Variants in CR1 observed in about 807,000 individuals in gnomAD.
CR1 encodes the protein complement C3b/C4b receptor 1 (Knops blood group).
Under a neutral mutation model 187.3 loss-of-function variants are expected in CR1, and 116 were observed. That is an observed-to-expected ratio of 0.62 (90% CI 0.53 to 0.72). The LOEUF (loss-of-function observed/expected upper bound fraction) is 0.72. CR1 is among the 30% of genes least tolerant of loss of function. CR1 has a pLI of 0.00. For missense variants in CR1, 1,731 were observed against 2,110.7 expected (o/e 0.82, Z 3.52); for synonymous variants, 576 against 747.1 (o/e 0.77, Z 3.73).
rs200258218 is a variant in CR1, at chr1:207,612,019, G to A, written c.6553G>A (p.Val2185Met). The change falls in exon 39 of 47, where the codon GTG (valine) becomes ATG (methionine). Residue 2185 changes from valine to methionine, a missense_variant. Coordinates refer to ENST00000367049, the MANE Select transcript of CR1 (RefSeq NM_000651.6). ...LPLNLQLGAK[V>M]SFVCDEGFRL... ...ACTTAATCTCCAGCTTGGGGCAAAGGTGTCCTTTGTTTGCGATGAAGGGTG... is the reference window on the plus strand; with the variant it reads ...ACTTAATCTCCAGCTTGGGGCAAAGATGTCCTTTGTTTGCGATGAAGGGTG... The A allele has an allele frequency of 6.8e-6, 11 of 1,613,932 alleles. No homozygotes were observed. Among genetic ancestry groups the A allele is most frequent in the Non-Finnish European group, 9.3e-6 (11 of 1,179,906 alleles).
intron 4 of CR1, among the ~76,000 whole-genome samples, chr1:207,521,950 T>TGAGCCACCA (rs1407369907): frequency 6.6e-6 from 1 of 151,832 alleles, no homozygotes; most frequent in Non-Finnish European, 1.5e-5. Flanking sequence ...ATTACAGGCG[T>TGAGCCACCA]GAGCCACCAC....
chr1:207,510,496 C>G (rs1476361070), intron 3 of CR1, among the ~76,000 whole-genome samples: 1 of 152,162 alleles, frequency 6.6e-6, no homozygotes, highest in African/African-American at 2.4e-5. Context: ...ATAGTACTAT[C>G]AAGTTTGACC....
At chr1:207,594,017 C>T (rs537675310) in intron 35 of CR1, among the ~76,000 whole-genome samples, 4 of 152,100 alleles carry the variant, frequency 2.6e-5, no homozygotes, top group African/African-American at 4.8e-5. Context: ...AGTGTAAATT[C>T]GTTCAACCAT....
At chr1:207,615,934 A>G (rs1662077886) in intron 40 of CR1, among the ~76,000 whole-genome samples, 1 of 152,196 alleles carries the variant, frequency 6.6e-6, no homozygotes, top group Non-Finnish European at 1.5e-5. Flanking sequence ...ATCAAACTAG[A>G]AGCATCAATT....
intron 3 of CR1, chr1:207,507,222 C>A: frequency 6.4e-6 from 1 of 157,280 alleles, no homozygotes; most frequent in Non-Finnish European, 1.4e-5. Flanking sequence ...CAGAGTACTC[C>A]AAAACGGGTG....
chr1:207,566,161 T>G (rs1201640769), intron 24 of CR1, among the ~76,000 whole-genome samples: 2 of 150,404 alleles, frequency 1.3e-5, no homozygotes, highest in Admixed American at 1.3e-4. Flanking sequence ...CCTTTGGTCT[T>G]GTGCTCCTAG....
intron 46 of CR1, among the ~76,000 whole-genome samples, chr1:207,635,713 C>A (rs147683764): frequency 0.02 from 3,083 of 152,322 alleles, 52 homozygotes; most frequent in Non-Finnish European, 0.031. Flanking sequence ...GAGGCCATAT[C>A]TCAGGCTATC....
Position 207,618,251 on chromosome 1 carries a change from A to T in CR1, c.7066+4A>T. The T allele has an allele frequency of 6.2e-7, 1 of 1,612,448 alleles. No homozygotes were observed. The highest frequency in any genetic ancestry group is 1.1e-5 in the South Asian group (1 of 90,868). On this transcript the variant is annotated splice_donor_region_variant and intron_variant, in intron 42 of 46. Coordinates refer to ENST00000367049, the MANE Select transcript of CR1 (RefSeq NM_000651.6). The stretch of plus-strand genomic sequence containing the variant: ...CAATTGGATCATTATTGCAAAGGTG[A>T]CTTATTTCTTGGTATTCCTTATTCT...
chr1:207,596,039 CTATATATCTATATCTA>C (rs1228943873), intron 35 of CR1, among the ~76,000 whole-genome samples: 2 of 141,826 alleles, frequency 1.4e-5, no homozygotes, highest in Non-Finnish European at 3.0e-5. Flanking sequence ...AGTATAAAAT[CTATATATCTATATCTA>C]TATATATCTA....
chr1:207,574,710 T>C (rs904469626), intron 27 of CR1, among the ~76,000 whole-genome samples: 3 of 152,102 alleles, frequency 2.0e-5, no homozygotes, highest in African/African-American at 4.8e-5. Flanking sequence ...AAAAGATGAG[T>C]AGACTGACTA....
intron 1 of CR1, among the ~76,000 whole-genome samples, chr1:207,503,217 G>A (rs1659326361): frequency 6.6e-6 from 1 of 152,054 alleles, no homozygotes; most frequent in Admixed American, 6.5e-5. Context: ...ATGAAACTGA[G>A]GCTCAGCAAG....
In CR1 at chr1:207,580,418, T is replaced by A. The variant is rs1660897755; in HGVS notation, c.5113+2T>A. 3 of 1,613,268 alleles carry A rather than the reference T, an allele frequency of 1.9e-6. No individual in the cohort carries two copies. The highest frequency in any genetic ancestry group is 1.1e-5 in the South Asian group (1 of 90,962). The stretch of plus-strand genomic sequence containing the variant: ...GCCCTGAAGCCCCGAGATGTGCAGG[T>A]GCCTCAACTCTCTGGCTTCCAGATT... On this transcript the variant is annotated splice_donor_variant, in intron 30 of 46. Coordinates refer to ENST00000367049, the MANE Select transcript of CR1 (RefSeq NM_000651.6). LOFTEE classifies it high-confidence loss of function.
intron 32 of CR1, 47 bp from the exon 33 acceptor site, chr1:207,584,602 T>C (rs748471290): frequency 3.8e-6 from 6 of 1,590,212 alleles, no homozygotes; most frequent in East Asian, 2.2e-5. Context: ...CCTTGGATTA[T>C]ACTTTAAAAT....
At chr1:207,587,242 A>G (rs954998979) in intron 33 of CR1, 144 bp from the exon 34 acceptor site, 1 of 666,960 alleles carries the variant, frequency 1.5e-6, no homozygotes, top group South Asian at 2.6e-5. Context: ...ATCCCAAGGT[A>G]ACATCAAGGA....
chr1:207,506,497 A>G (rs1659437483), intron 2 of CR1, among the ~76,000 whole-genome samples: 1 of 152,240 alleles, frequency 6.6e-6, no homozygotes, highest in South Asian at 2.1e-4. Flanking sequence ...TCTGGGAGGC[A>G]TAATATGGGG....
At chr1:207,564,851 G>C (rs2102323192) in intron 23 of CR1, among the ~76,000 whole-genome samples, 1 of 150,218 alleles carries the variant, frequency 6.7e-6, no homozygotes, top group South Asian at 2.1e-4. Context: ...AATTTAGAGA[G>C]TCCCAGGAAA....
chr1:207,502,068 A>G (rs1659288532), intron 1 of CR1, among the ~76,000 whole-genome samples: 1 of 152,158 alleles, frequency 6.6e-6, no homozygotes, highest in Non-Finnish European at 1.5e-5. Context: ...TTTGAGTTTT[A>G]TAAGTAATTC....
chr1:207,519,870 T>C (rs1228232211), intron 4 of CR1, among the ~76,000 whole-genome samples: 1 of 152,186 alleles, frequency 6.6e-6, no homozygotes, highest in Non-Finnish European at 1.5e-5. Context: ...TTCAAACAGT[T>C]GGCCACATTT....
At chr1:207,634,616 G>A (rs1662755653) in intron 46 of CR1, among the ~76,000 whole-genome samples, 1 of 142,286 alleles carries the variant, frequency 7.0e-6, no homozygotes, top group South Asian at 2.4e-4. Context: ...TAATAACCGG[G>A]GAACAGATGA....
Sources: gnomAD v4.1 joint callset for allele counts (sites outside exome capture counted in the v4.1 genomes callset) on GRCh38, gnomAD v4.1.1 for gene constraint, MANE v1.5 for transcripts, NCBI Gene and HGNC (gene_info 2026-07-23, HGNC 2026-07-21) for gene names.